ADD1: variants seen among roughly 807,000 people sequenced by gnomAD.
The protein encoded by ADD1 is adducin 1, also known as alpha-adducin.
In ADD1, 24 loss-of-function variants were observed where a neutral mutation model predicts 80.5. The ratio of observed to expected loss-of-function variants is 0.30; its 90% CI spans 0.22 to 0.42. ADD1 has a LOEUF of 0.42. Among genes scored for constraint, ADD1 ranks in the 10% least tolerant of loss-of-function variants. The probability of loss-of-function intolerance (pLI) is 1.00; values close to 1 mark genes in which losing one functional copy is unlikely to be tolerated. For synonymous variants in ADD1, 373 were observed against 393.8 expected, an observed-to-expected ratio of 0.95 and a Z score of 0.63; for missense variants, 948 against 1,019.0, an observed-to-expected ratio of 0.93 and a Z score of 0.95.
At chr4:2,846,196 C>T (rs1423398894) in intron 1 of ADD1, among the ~76,000 whole-genome samples, 3 of 152,180 alleles carry the variant, frequency 2.0e-5, no homozygotes, top group Non-Finnish European at 1.5e-5. Context: ...GCTATCTATA[C>T]AGTGTGACTC....
intron 6 of ADD1, among the ~76,000 whole-genome samples, chr4:2,896,054 A>AT (rs1447148482): frequency 1.3e-5 from 2 of 150,642 alleles, no homozygotes; most frequent in African/African-American, 4.9e-5. Context: ...CGCATGGCTA[A>AT]TTTTTTGTAT....
At chr4:2,881,686 C>CCAA in intron 2 of ADD1, 1 of 415,722 alleles carries the variant, frequency 2.4e-6, no homozygotes, top group Non-Finnish European at 4.2e-6. Context: ...GAGTAGAATT[C>CCAA]CTGTTCAGAG....
chr4:2,862,257 T>C (rs1232331365), intron 1 of ADD1, among the ~76,000 whole-genome samples: 1 of 152,156 alleles, frequency 6.6e-6, no homozygotes, highest in African/African-American at 2.4e-5. Flanking sequence ...GCTGGTAAAG[T>C]GAATGCGCTC....
At chr4:2,852,190 C>CT (rs1298061235) in intron 1 of ADD1, among the ~76,000 whole-genome samples, 20 of 12,226 alleles carry the variant, frequency 1.6e-3, no homozygotes, top group Non-Finnish European at 2.6e-3. Flanking sequence ...TTCTTTCTTT[C>CT]TTTCTTTCCT....
chr4:2,871,384 C>T (rs892570420), intron 1 of ADD1, among the ~76,000 whole-genome samples: 1 of 152,086 alleles, frequency 6.6e-6, no homozygotes, highest in Non-Finnish European at 1.5e-5. Context: ...CACTGAATTG[C>T]TTTTATGTCA....
At chr4:2,897,305 A>C (rs1482898938) in intron 6 of ADD1, among the ~76,000 whole-genome samples, 2 of 151,904 alleles carry the variant, frequency 1.3e-5, no homozygotes, top group Non-Finnish European at 2.9e-5. Flanking sequence ...GGGGAATTTT[A>C]GGAAACTTAA....
intron 8 of ADD1, 161 bp from the exon 9 acceptor site, chr4:2,899,098 G>GA: frequency 5.3e-6 from 4 of 751,778 alleles, no homozygotes; most frequent in Non-Finnish European, 8.3e-6. Context: ...AAATACTTCT[G>GA]AAAGTAACTT....
At chr4:2,920,972 A>G (rs1423589179) in intron 14 of ADD1, among the ~76,000 whole-genome samples, 6 of 152,096 alleles carry the variant, frequency 3.9e-5, no homozygotes, top group Admixed American at 2.0e-4. Context: ...AGTGGGTGGA[A>G]CTGGTTTTTG....
chr4:2,925,998 T>C lies in ADD1; in HGVS notation c.1949-16T>C, dbSNP rs771958293. 1 of 1,612,288 alleles carries C rather than the reference T, an allele frequency of 6.2e-7. No individual in the cohort carries two copies. The highest frequency in any genetic ancestry group is 8.5e-7 in the Non-Finnish European group (1 of 1,178,580). On this transcript the variant is annotated splice_polypyrimidine_tract_variant and intron_variant, in intron 14 of 15. Transcript: ENST00000683351. ...GCGTCCACAGCTCCTACCATATCCT[T>C]CTTGCTTCTCTGCAGAGAATCTGGA...
intron 3 of ADD1, 30 bp from the exon 4 acceptor site, chr4:2,884,485 C>A: frequency 6.3e-7 from 1 of 1,575,536 alleles, no homozygotes; most frequent in Non-Finnish European, 8.7e-7. Context: ...ACCACTGCAC[C>A]TGGCTGAGTT....
At chr4:2,915,312 C>G (rs998650070) in intron 14 of ADD1, among the ~76,000 whole-genome samples, 3 of 152,162 alleles carry the variant, frequency 2.0e-5, no homozygotes, top group African/African-American at 7.2e-5. Flanking sequence ...TCGAGACCAA[C>G]CTGACCAACA....
At chr4:2,914,862 C>G in intron 13 of ADD1, 22 bp from the exon 14 acceptor site, 1 of 1,595,550 alleles carries the variant, frequency 6.3e-7, no homozygotes, top group Non-Finnish European at 8.5e-7. Context: ...TCCTGCAGAC[C>G]AGATGTGCCT....
At position 2,928,153 on chromosome 4, in the gene ADD1, T is replaced by G. The variant is rs752194037; in HGVS notation, c.2048-18T>G. ...CTGGGCAGGAACCCTTAATCCCATC[T>G]CTCACCTCACCCACTAGACCTTGTG... is the stretch of plus-strand genomic sequence containing the variant. On this transcript the variant is annotated intron_variant, in intron 15 of 15. Transcript: ENST00000683351. The G allele has an allele frequency of 1.2e-5, 19 of 1,611,808 alleles. No homozygotes were observed. The highest frequency in any genetic ancestry group is 1.5e-5 in the Non-Finnish European group (18 of 1,178,674).
At chr4:2,863,716 GTTTT>G (rs965376941) in intron 1 of ADD1, among the ~76,000 whole-genome samples, 1 of 140,560 alleles carries the variant, frequency 7.1e-6, no homozygotes, top group Non-Finnish European at 1.6e-5. Context: ...ACTACACCTT[GTTTT>G]TTTTTGTTTT....
intron 5 of ADD1, 113 bp from the exon 6 acceptor site, chr4:2,894,469 C>T (rs1271761417): frequency 8.4e-5 from 79 of 946,014 alleles, no homozygotes; most frequent in Non-Finnish European, 1.1e-4. Flanking sequence ...CGAGGTCGCA[C>T]CACTGCACTC....
At chr4:2,853,204 G>T (rs555251394) in intron 1 of ADD1, 17 of 151,428 alleles carry the variant, frequency 1.1e-4, no homozygotes, top group African/African-American at 4.1e-4. Flanking sequence ...TGTCTCCCAG[G>T]TTCAAGCAAT....
At chr4:2,922,850 C>T (rs1740290902) in intron 14 of ADD1, among the ~76,000 whole-genome samples, 1 of 152,240 alleles carries the variant, frequency 6.6e-6, no homozygotes, top group Non-Finnish European at 1.5e-5. Flanking sequence ...GAGGAGGAAT[C>T]TAGAGAGGCA....
At chr4:2,852,189 T>TCTTCCTTTCTTCCTTTCTTTC (rs1553815103) in intron 1 of ADD1, among the ~76,000 whole-genome samples, 4 of 50,754 alleles carry the variant, frequency 7.9e-5, no homozygotes, top group Admixed American at 2.2e-4. Flanking sequence ...TTTCTTTCTT[T>TCTTCCTTTCTTCCTTTCTTTC]CTTTCTTTCC....
Position 2,907,768 on chromosome 4 carries a change from C to G in ADD1, c.1532C>G (p.Thr511Ser). ...CLWTKEDGHRTSTSAVPNLFV... is the reference protein window; with the variant it reads ...CLWTKEDGHRSSTSAVPNLFV... ...TGGACTAAAGAGGATGGACATAGAA[C>G]TTCCACCTCTGCTGTCCCTAACCTG... Residue 511 changes from threonine (T) to serine (S), a missense_variant, in exon 11 of 16, where the codon ACT (threonine) becomes AGT (serine). Coordinates refer to ENST00000683351, the MANE Select transcript of ADD1 (RefSeq NM_001354761.2). The G allele has an allele frequency of 6.2e-7, 1 of 1,614,070 alleles. No individual in the cohort carries two copies.
Sources: allele counts gnomAD v4.1 joint callset (sites outside exome capture counted in the v4.1 genomes callset), GRCh38; gene constraint gnomAD v4.1.1; transcripts MANE v1.5; gene names NCBI Gene and HGNC (gene_info 2026-07-23, HGNC 2026-07-21).